FTCDNL1: variants seen among roughly 807,000 people sequenced by gnomAD.
The protein encoded by FTCDNL1 is formiminotransferase cyclodeaminase N-terminal like.
FTCDNL1 carries 11 observed loss-of-function variants against 5.9 expected under a neutral mutation model. That is an observed-to-expected ratio of 1.87 (90% CI 1.18 to 3.10). The LOEUF (loss-of-function observed/expected upper bound fraction) is 3.10, where lower values mean the gene tolerates loss of function less well. Among genes scored for constraint, FTCDNL1 ranks in the 30% most tolerant of loss-of-function variants. The pLI is 0.00. For synonymous variants in FTCDNL1, 58 were observed against 24.8 expected (o/e 2.34, Z -3.99); for missense variants, 115 against 65.5 (o/e 1.76, Z -2.61).
chr2:199,783,625 T>C (rs1466082557), intron 3 of FTCDNL1, among the ~76,000 whole-genome samples: 1 of 152,168 alleles, frequency 6.6e-6, no homozygotes, highest in Non-Finnish European at 1.5e-5. Flanking sequence ...ATGTTCCACC[T>C]TCATCACACC....
intron 3 of FTCDNL1, among the ~76,000 whole-genome samples, chr2:199,824,002 A>T (rs1701861151): frequency 1.3e-5 from 2 of 152,132 alleles, no homozygotes; most frequent in South Asian, 4.1e-4. Context: ...TTTTGTAGAG[A>T]CAGGGTCTCA....
In FTCDNL1 at chr2:199,790,196, G is replaced by A. The variant is rs1209388072; in HGVS notation, c.212-29361C>T. Reference sequence around the variant, plus strand: ...CTTGAAAGGCAAAAGAGACACAGTGGCTATAAGAAAAAAAAATGCGGCTGG... The same window carrying A: ...CTTGAAAGGCAAAAGAGACACAGTGACTATAAGAAAAAAAAATGCGGCTGG... On this transcript the variant is annotated intron_variant, in intron 3 of 3. Transcript: ENST00000416668. Among the ~76,000 whole-genome samples, 3 of 151,780 alleles carry A rather than the reference G, an allele frequency of 2.0e-5. No individual in the cohort carries two copies. The East Asian group carries it at 5.8e-4, about 29-fold the overall frequency.
At chr2:199,844,031 A>G (rs530613759) in intron 3 of FTCDNL1, among the ~76,000 whole-genome samples, 2 of 152,280 alleles carry the variant, frequency 1.3e-5, no homozygotes, top group South Asian at 4.2e-4. Context: ...CCCCTGCTCA[A>G]GAAAATAGGA....
At chr2:199,814,772 C>T (rs550729410) in intron 4 of FTCDNL1, among the ~76,000 whole-genome samples, 7 of 152,260 alleles carry the variant, frequency 4.6e-5, no homozygotes, top group South Asian at 2.1e-4. Flanking sequence ...CTCCCTAAAA[C>T]GAGACTCATT....
intron 3 of FTCDNL1, among the ~76,000 whole-genome samples, chr2:199,801,666 A>C (rs1377590063): frequency 6.6e-6 from 1 of 151,252 alleles, no homozygotes; most frequent in Non-Finnish European, 1.5e-5. Flanking sequence ...AAAAAAAGGA[A>C]TAGGCCGGGC....
At chr2:199,845,621 T>G (rs567030835) in intron 3 of FTCDNL1, among the ~76,000 whole-genome samples, 2 of 152,054 alleles carry the variant, frequency 1.3e-5, no homozygotes, top group Admixed American at 1.3e-4. Flanking sequence ...ATCTGTAAGC[T>G]CTCTACTAAA....
At chr2:199,776,219 G>A (rs1289854094) in intron 3 of FTCDNL1, among the ~76,000 whole-genome samples, 1 of 152,090 alleles carries the variant, frequency 6.6e-6, no homozygotes, top group East Asian at 1.9e-4. Flanking sequence ...GATAAGATAG[G>A]AAAGCCAGAA....
At chr2:199,701,112 AG>A in the FTCDNL1 span, among the ~76,000 whole-genome samples, 2 of 152,174 alleles carry the variant, frequency 1.3e-5, no homozygotes, top group Non-Finnish European at 2.9e-5. Flanking sequence ...CAGAAAAATC[AG>A]ATTCATCAAA....
rs529964122 is a variant in FTCDNL1 at position 199,784,574 on chromosome 2, T to C, written c.212-23739A>G. ...ACCTGTCGGGGTGAGGGAAGCAGGA[T>C]TGGGCAGAGGGAGAACTTTCAGTGC... is the stretch of plus-strand genomic sequence containing the variant. On this transcript the variant is annotated intron_variant, in intron 3 of 3. Coordinates refer to the FTCDNL1 transcript ENST00000416668. Among the ~76,000 whole-genome samples, 127 of 152,224 alleles carry C rather than the reference T, an allele frequency of 8.3e-4. 1 individual carries two copies. Among genetic ancestry groups the C allele is most frequent in the African/African-American group, 3.0e-3 (126 of 41,534 alleles).
At chr2:199,823,545 A>G (rs1701827159) in intron 3 of FTCDNL1, among the ~76,000 whole-genome samples, 1 of 152,250 alleles carries the variant, frequency 6.6e-6, no homozygotes, top group African/African-American at 2.4e-5. Context: ...AGCAGGCATG[A>G]AAACAACATT....
chr2:199,709,668 TG>T, the FTCDNL1 span, among the ~76,000 whole-genome samples: 2 of 152,046 alleles, frequency 1.3e-5, no homozygotes, highest in Admixed American at 6.6e-5. Flanking sequence ...AATCTGCCAC[TG>T]GTTTAGGCAA....
At chr2:199,813,348 A>C (rs1440294309) in intron 4 of FTCDNL1, among the ~76,000 whole-genome samples, 1 of 152,060 alleles carries the variant, frequency 6.6e-6, no homozygotes, top group Non-Finnish European at 1.5e-5. Context: ...CAATCAATTA[A>C]AGGTGAAAGG....
At chr2:199,813,192 A>T (rs551497237) in intron 4 of FTCDNL1, among the ~76,000 whole-genome samples, 1 of 152,346 alleles carries the variant, frequency 6.6e-6, no homozygotes, top group South Asian at 2.1e-4. Context: ...GTCTGGAATA[A>T]CACAAATAAA....
At chr2:199,754,172 G>A in the FTCDNL1 span, among the ~76,000 whole-genome samples, 1 of 152,128 alleles carries the variant, frequency 6.6e-6, no homozygotes, top group East Asian at 1.9e-4. Context: ...CCCTTCCTCT[G>A]TAAATAATAC....
chr2:199,832,904 T>G (rs1318596761), intron 3 of FTCDNL1, among the ~76,000 whole-genome samples: 2 of 152,042 alleles, frequency 1.3e-5, no homozygotes, highest in Non-Finnish European at 2.9e-5. Context: ...ACTAAAAAAT[T>G]TTCTCAAGCC....
intron 4 of FTCDNL1, among the ~76,000 whole-genome samples, chr2:199,817,380 C>T (rs566039060): frequency 2.4e-4 from 37 of 152,338 alleles, no homozygotes; most frequent in Non-Finnish European, 4.1e-4. Context: ...AAAATATCAT[C>T]TTTAAACATT....
chr2:199,829,112 T>C (rs536906016), intron 3 of FTCDNL1, among the ~76,000 whole-genome samples: 2 of 152,284 alleles, frequency 1.3e-5, no homozygotes, highest in South Asian at 4.1e-4. Context: ...CATAAGGCCA[T>C]CATGCAGTTT....
rs112608483 is a variant in FTCDNL1 at position 199,840,292 on chromosome 2, A to G, written c.211+5783T>C. Reference sequence around the variant, plus strand: ...ACAAATTATCAAAAAGATAATGACCAACTCCAGCAAAAGTATAAAGTTATG... The same window carrying G: ...ACAAATTATCAAAAAGATAATGACCGACTCCAGCAAAAGTATAAAGTTATG... On this transcript the variant is annotated intron_variant, in intron 3 of 4. Coordinates refer to ENST00000420128, the MANE Select transcript of FTCDNL1 (RefSeq NM_001363886.2). 3.6e-3 allele frequency among the ~76,000 whole-genome samples: 543 copies of G among 152,386 alleles called. 4 individuals are homozygous for G. The highest frequency in any genetic ancestry group is 0.012 in the African/African-American group (504 of 41,590).
the FTCDNL1 span, among the ~76,000 whole-genome samples, chr2:199,712,615 C>T: frequency 6.6e-6 from 1 of 152,186 alleles, no homozygotes; most frequent in Non-Finnish European, 1.5e-5. Context: ...TGTAGTCTCT[C>T]CTAGCTCTGG....
Sources: allele counts gnomAD v4.1 joint callset (sites outside exome capture counted in the v4.1 genomes callset), GRCh38; gene constraint gnomAD v4.1.1; transcripts MANE v1.5; gene names NCBI Gene and HGNC (gene_info 2026-07-23, HGNC 2026-07-21).